The following ZNF649 variants were observed in gnomAD, a reference collection of about 807,000 sequenced individuals.
ZNF649 encodes the protein zinc finger protein 649.
A neutral mutation model predicts 14.1 loss-of-function variants in ZNF649; 7 were observed. That is an observed-to-expected ratio of 0.49 (90% CI 0.28 to 0.93). The LOEUF is 0.93. Ranked by LOEUF, ZNF649 falls within the 40% of genes least tolerant of loss-of-function variation. The probability of loss-of-function intolerance (pLI) is 0.10; values close to 1 mark genes in which losing one functional copy is unlikely to be tolerated. For missense variants in ZNF649, 544 were observed against 608.1 expected (o/e 0.89, Z 1.11); for synonymous variants, 227 against 212.3 (o/e 1.07, Z -0.60).
At chr19:51,895,811 A>G (rs1277737900) in intron 4 of ZNF649, among the ~76,000 whole-genome samples, 2 of 152,244 alleles carry the variant, frequency 1.3e-5, no homozygotes, top group East Asian at 3.9e-4. Flanking sequence ...ATATATACAC[A>G]CACGCATATA....
At chr19:51,903,690 G>C (rs1243272581) in intron 1 of ZNF649, among the ~76,000 whole-genome samples, 1 of 152,076 alleles carries the variant, frequency 6.6e-6, no homozygotes, top group Non-Finnish European at 1.5e-5. Flanking sequence ...GTGGTGGCGG[G>C]CGCCTGTAAT....
chr19:51,901,595 T>A (rs2122773236), intron 1 of ZNF649, among the ~76,000 whole-genome samples: 1 of 151,888 alleles, frequency 6.6e-6, no homozygotes, highest in South Asian at 2.1e-4. Flanking sequence ...CAGTGAGTTG[T>A]GATTGCACCA....
rs1419678485 is a variant in ZNF649 at position 51,896,912 on chromosome 19, C to G, written c.82G>C (p.Ala28Pro). The G allele has an allele frequency of 6.2e-7, 1 of 1,614,076 alleles. No homozygotes were observed. Among genetic ancestry groups the G allele is most frequent in the Non-Finnish European group, 8.5e-7 (1 of 1,180,044 alleles). Residue 28 changes from alanine to proline, a missense_variant, in exon 3 of 5, where the codon GCT becomes CCT. Coordinates refer to ENST00000354957, the MANE Select transcript of ZNF649 (RefSeq NM_023074.4). ...TWEEWQFLSP[A>P]QKDLYRDVML... ...ACATCCCGGTACAGGTCCTTCTGAG[C>G]AGGGCTCAGGAACTGCCACTCCTCC...
chr19:51,899,661 G>A (rs1390435450), intron 2 of ZNF649: 1 of 157,588 alleles, frequency 6.3e-6, no homozygotes, highest in African/African-American at 2.4e-5. Flanking sequence ...TGCTGTTAAG[G>A]ACAAAAAGTC....
intron 4 of ZNF649, among the ~76,000 whole-genome samples, chr19:51,894,817 C>T (rs1047963093): frequency 1.3e-5 from 2 of 151,996 alleles, no homozygotes; most frequent in African/African-American, 4.8e-5. Flanking sequence ...TACAGTTCAT[C>T]AACTCATAAA....
intron 1 of ZNF649, among the ~76,000 whole-genome samples, 195 bp downstream of exon 1, chr19:51,904,719 C>G (rs1410844144): frequency 6.6e-6 from 1 of 152,114 alleles, no homozygotes; most frequent in African/African-American, 2.4e-5. Context: ...CTCAGAGACC[C>G]CAAACTCTGA....
rs947732107 is a variant in ZNF649, at chr19:51,890,013, T to C, written c.*605A>G. On this transcript the variant is annotated 3_prime_UTR_variant, in exon 5 of 5. Transcript: ENST00000354957. Reference sequence around the variant, plus strand: ...CCCACTTTAAATATGAAAGCATAAATAGGTTAAAAGTAAAACCATGATAAA... The same window carrying C: ...CCCACTTTAAATATGAAAGCATAAACAGGTTAAAAGTAAAACCATGATAAA... 1.3e-5 allele frequency: 2 copies of C among 152,098 alleles called. No individual in the cohort carries two copies. The highest frequency in any genetic ancestry group is 2.4e-5 in the African/African-American group (1 of 41,392). The allele number at this position is 152,098 out of a possible 1,614,324, so 9.4% of individuals were successfully genotyped here. A position where few individuals can be genotyped will look rare whatever the true frequency, so the allele number is the denominator to read the frequency against.
rs200442930 is a variant in ZNF649 at position 51,896,808 on chromosome 19, A to T, written c.142+44T>A. ...TCCAGAAGCTGAGAAAGCAAAGGCC[A>T]CTGACTGGGTACCCTCTGAGTGACA... On this transcript the variant is annotated intron_variant, in intron 3 of 4. Coordinates refer to ENST00000354957, the MANE Select transcript of ZNF649 (RefSeq NM_023074.4). 691 of 1,614,110 alleles carry T rather than the reference A, an allele frequency of 4.3e-4. 8 individuals carry two copies. In the South Asian group the frequency reaches 5.4e-3, roughly 13 times the overall value.
Position 51,891,623 on chromosome 19 carries a change from T to C in ZNF649, c.513A>G (p.Thr171=). ...TKSQFLKHQQ[T]HNIEKAHECT... is the part of the protein sequence containing the mutation. ...ATTCATGGGCTTTCTCTATGTTGTG[T>C]GTTTGCTGATGTTTAAGGAATTGTG... The change falls in exon 5 of 5, where the codon ACA becomes ACG. Residue 171 remains threonine (T), a synonymous_variant. Transcript: ENST00000354957. The surrounding 1 kb of genome is among the most constrained non-coding windows in gnomAD (Gnocchi z 4.2). 1.2e-6 allele frequency: 2 copies of C among 1,614,252 alleles called. No individual in the cohort carries two copies. The highest frequency in any genetic ancestry group is 1.3e-5 in the African/African-American group (1 of 75,066).
chr19:51,897,045 C>A, intron 2 of ZNF649, 67 bp from the exon 3 acceptor site: 1 of 1,603,046 alleles, frequency 6.2e-7, no homozygotes, highest in Non-Finnish European at 8.5e-7. Context: ...TGAAGTTGTT[C>A]GGCCCATTTT....
rs1044404620 is a variant in ZNF649, at chr19:51,889,740, T to G, written c.*878A>C. The G allele has an allele frequency of 6.6e-6, 1 of 152,112 alleles. No homozygotes were observed. Among genetic ancestry groups the G allele is most frequent in the African/African-American group, 2.4e-5 (1 of 41,398 alleles). The allele number at this position is 152,112 out of a possible 1,614,324, so 9.4% of individuals were successfully genotyped here. On this transcript the variant is annotated 3_prime_UTR_variant, in exon 5 of 5. Coordinates refer to ENST00000354957, the MANE Select transcript of ZNF649 (RefSeq NM_023074.4). ...TCTCAAGGAATCAAATGACAAGGAT[T>G]TACAGTTAATAAGCCAACAAAGGAG...
chr19:51,898,641 G>C (rs527598103), intron 2 of ZNF649, among the ~76,000 whole-genome samples: 1 of 151,874 alleles, frequency 6.6e-6, no homozygotes. Context: ...GGCTGGGTGC[G>C]GTGGCTCACA....
intron 1 of ZNF649, among the ~76,000 whole-genome samples, chr19:51,904,599 T>C (rs1271858747): frequency 6.6e-6 from 1 of 151,320 alleles, no homozygotes; most frequent in Non-Finnish European, 1.5e-5. Context: ...GACTTTAAAC[T>C]GCAGCATTTG....
chr19:51,901,180 G>A (rs531306595), intron 1 of ZNF649, among the ~76,000 whole-genome samples: 63 of 152,118 alleles, frequency 4.1e-4, no homozygotes, highest in Non-Finnish European at 7.2e-4. Context: ...GGGGCTGATC[G>A]TGAAGGTGCT....
rs149447174 is a variant in ZNF649, at chr19:51,890,883, A to G, written c.1253T>C (p.Ile418Thr). The G allele has an allele frequency of 1.4e-4, 219 of 1,614,096 alleles. No individual in the cohort carries two copies. The highest frequency in any genetic ancestry group is 1.6e-4 in the Middle Eastern group (1 of 6,084). Residue 418 changes from isoleucine (I) to threonine (T), a missense_variant, in exon 5 of 5, where the codon ATT becomes ACT. Physicochemically the swap from Ile to Thr is moderately conservative, Grantham distance 89 (BLOSUM62 -1). Transcript: ENST00000354957. ...GKAFLTKTML[I>T]VHHRTHTGER... Reference sequence around the variant, plus strand: ...TCCCGTGTGAGTTCTGTGATGTACAATGAGCATTGTCTTTGTAAGGAAGGC... The same window carrying G: ...TCCCGTGTGAGTTCTGTGATGTACAGTGAGCATTGTCTTTGTAAGGAAGGC...
intron 4 of ZNF649, among the ~76,000 whole-genome samples, chr19:51,894,103 C>A (rs1442909601): frequency 6.6e-6 from 1 of 152,056 alleles, no homozygotes; most frequent in Non-Finnish European, 1.5e-5. Context: ...CTAACTGTGG[C>A]CTCCATGTGA....
rs763702823 is a variant in ZNF649 at position 51,896,561 on chromosome 19, T to C, written c.149A>G (p.Gln50Arg). Residue 50 changes from glutamine to arginine, a missense_variant, in exon 4 of 5, where the codon CAA (glutamine) becomes CGA (arginine). Coordinates refer to ENST00000354957, the MANE Select transcript of ZNF649 (RefSeq NM_023074.4). ...GGTGAGGGCATCAGGTTTGCCGGCTTGATACCCTGTTTGTGGGAAATGGGA... is the reference window on the plus strand; with the variant it reads ...GGTGAGGGCATCAGGTTTGCCGGCTCGATACCCTGTTTGTGGGAAATGGGA... Reference protein sequence around the residue: ...NYSNLVSVGYQAGKPDALTKL... With the variant: ...NYSNLVSVGYRAGKPDALTKL... The C allele has an allele frequency of 6.2e-7, 1 of 1,614,178 alleles. No individual in the cohort carries two copies. Among genetic ancestry groups the C allele is most frequent in the South Asian group, 1.1e-5 (1 of 91,084 alleles).
intron 4 of ZNF649, among the ~76,000 whole-genome samples, chr19:51,894,299 AT>A (rs1414641558): frequency 6.6e-6 from 1 of 151,904 alleles, no homozygotes; most frequent in Non-Finnish European, 1.5e-5. Flanking sequence ...CGCCTGGCTA[AT>A]TTTTTGTATT....
chr19:51,896,884 A>G lies in ZNF649; in HGVS notation c.110T>C (p.Met37Thr). Residue 37 changes from methionine (M) to threonine (T), a missense_variant, in exon 3 of 5, where the codon ATG (methionine) becomes ACG (threonine). Physicochemically the swap from Met to Thr is moderately conservative, Grantham distance 81. Transcript: ENST00000354957. ...PAQKDLYRDV[M>T]LENYSNLVSV... The stretch of plus-strand genomic sequence containing the variant: ...CACAAGGTTGCTGTAGTTCTCCAAC[A>G]TCACATCCCGGTACAGGTCCTTCTG... The G allele has an allele frequency of 6.2e-7, 1 of 1,614,156 alleles. No homozygotes were observed. The highest frequency in any genetic ancestry group is 1.7e-5 in the Admixed American group (1 of 60,016).
Sources: allele counts gnomAD v4.1 joint callset (sites outside exome capture counted in the v4.1 genomes callset), GRCh38; gene constraint gnomAD v4.1.1; non-coding constraint Gnocchi (gnomAD v3.1); transcripts MANE v1.5; gene names NCBI Gene and HGNC (gene_info 2026-07-23, HGNC 2026-07-21).